IST1: variants seen among roughly 807,000 people sequenced by gnomAD.
IST1 encodes the protein IST1 homolog.
IST1 carries 23 observed loss-of-function variants against 37.0 expected under a neutral mutation model. The observed-to-expected ratio is 0.62, with a 90% CI of 0.45 to 0.88. The LOEUF (loss-of-function observed/expected upper bound fraction) is 0.88. Ranked by LOEUF, IST1 falls within the 40% of genes least tolerant of loss-of-function variation. IST1 has a pLI of 0.00. For missense variants in IST1, 488 were observed against 445.4 expected (o/e 1.10, Z -0.86); for synonymous variants, 180 against 161.7 (o/e 1.11, Z -0.86).
Position 71,923,502 on chromosome 16 carries a change from T to G in IST1, c.852+122T>G. ...TCCTAGTACTGTCATCATTTTTGCT[T>G]TGGGATTCTTGTGTTGCTTTATAAC... is the stretch of plus-strand genomic sequence containing the variant. On this transcript the variant is annotated intron_variant, in intron 8 of 9. Coordinates refer to ENST00000378799, the MANE Select transcript of IST1 (RefSeq NM_001270975.2). 5.3e-6 allele frequency: 3 copies of G among 569,114 alleles called. 1 individual carries two copies. The highest frequency in any genetic ancestry group is 6.5e-5 in the Admixed American group (2 of 30,898). 35.3% of individuals were successfully genotyped at this position (569,114 alleles called of 1,614,324 possible). A position where few individuals can be genotyped will look rare whatever the true frequency, so the allele number is the denominator to read the frequency against.
rs1354594495 is a variant in IST1 at position 71,928,828 on chromosome 16, T to G, written c.*1015T>G. The G allele has an allele frequency of 6.6e-6, 1 of 152,262 alleles. No homozygotes were observed. The highest frequency in any genetic ancestry group is 1.5e-5 in the Non-Finnish European group (1 of 68,058). 9.4% of individuals were successfully genotyped at this position (152,262 alleles called of 1,614,324 possible). ...CTTATGTCATAACTTCTGTTACTCC[T>G]TTGGCCCATAGCTAAGGTCATCCTT... On this transcript the variant is annotated 3_prime_UTR_variant, in exon 10 of 10. Coordinates refer to ENST00000378799, the MANE Select transcript of IST1 (RefSeq NM_001270975.2).
At chr16:71,894,915 G>C, upstream of IST1, 1 of 1,218,776 alleles carries the variant, frequency 8.2e-7, no homozygotes. Context: ...AATCGCCAGA[G>C]ACTGTGGTGC....
chr16:71,905,912 T>C (rs1329253538), intron 1 of IST1, among the ~76,000 whole-genome samples: 2 of 152,206 alleles, frequency 1.3e-5, no homozygotes, highest in Non-Finnish European at 2.9e-5. Context: ...GTAACAGATA[T>C]TCGCCGTTTC....
chr16:71,924,672 G>C (rs936373117), intron 8 of IST1, 97 bp from the exon 9 acceptor site: 1 of 896,758 alleles, frequency 1.1e-6, no homozygotes, highest in East Asian at 2.4e-5. Flanking sequence ...GTTGCATTTG[G>C]TGAGCAACTT....
chr16:71,901,082 A>T (rs1308019898), intron 1 of IST1, among the ~76,000 whole-genome samples: 1 of 152,202 alleles, frequency 6.6e-6, no homozygotes, highest in South Asian at 2.1e-4. Flanking sequence ...GTTGACTAGA[A>T]TATTTTATTA....
At position 71,929,751 on chromosome 16, in the gene IST1, C is replaced by T. The variant is rs1447692858; in HGVS notation, c.*1938C>T. 2.2e-6 allele frequency: 3 copies of T among 1,342,558 alleles called. No homozygotes were observed. Among genetic ancestry groups the T allele is most frequent in the Non-Finnish European group, 3.0e-6 (3 of 994,412 alleles). The allele number at this position is 1,342,558 out of a possible 1,614,324, so 83.2% of individuals were successfully genotyped here. On this transcript the variant is annotated 3_prime_UTR_variant, in exon 10 of 10. Transcript: ENST00000378799. ...GCTAATAGTGGAGTAAAAAAAGTAC[C>T]AAAGATTTTTAAAAAATTAGTAAAT... is the stretch of plus-strand genomic sequence containing the variant.
At chr16:71,903,636 C>T (rs911557254) in intron 1 of IST1, 2 of 152,178 alleles carry the variant, frequency 1.3e-5, no homozygotes, top group Admixed American at 6.5e-5. Context: ...TGGCCTCAAA[C>T]GATCCTTCTA....
At chr16:71,915,785 A>G (rs1364987004) in intron 2 of IST1, 57 bp downstream of exon 2, 5 of 1,072,658 alleles carry the variant, frequency 4.7e-6, no homozygotes, top group African/African-American at 1.6e-5. Flanking sequence ...GCACCCCAGT[A>G]ATGGGTCTTT....
chr16:71,920,680 G>C (rs1018335509), intron 4 of IST1, 59 bp from the exon 5 acceptor site: 5 of 1,242,716 alleles, frequency 4.0e-6, no homozygotes, highest in Non-Finnish European at 5.9e-6. Flanking sequence ...CCAGGAAGAA[G>C]CTTAAAGCAG....
At chr16:71,902,855 T>C (rs866656073) in intron 1 of IST1, among the ~76,000 whole-genome samples, 2 of 152,178 alleles carry the variant, frequency 1.3e-5, no homozygotes, top group South Asian at 4.1e-4. Flanking sequence ...AATCAGCATT[T>C]AGTTTCCTTG....
At chr16:71,903,396 A>C (rs2037152665) in intron 1 of IST1, 1 of 152,258 alleles carries the variant, frequency 6.6e-6, no homozygotes, top group East Asian at 1.9e-4. Context: ...AACCTTTAAA[A>C]AATTTTTTTC....
intron 9 of IST1, among the ~76,000 whole-genome samples, chr16:71,925,150 C>G (rs866423246): frequency 8.1e-5 from 12 of 148,108 alleles, no homozygotes; most frequent in African/African-American, 1.8e-4. Flanking sequence ...GTAGCTGGGA[C>G]TACAGGCGCC....
upstream of IST1, chr16:71,894,927 G>C: frequency 1.8e-6 from 2 of 1,089,420 alleles, no homozygotes; most frequent in Non-Finnish European, 2.7e-6. Flanking sequence ...CTGTGGTGCT[G>C]AGGAAACACT....
chr16:71,927,454 A>C (rs1289025118), intron 9 of IST1, among the ~76,000 whole-genome samples, 160 bp from the exon 10 acceptor site: 1 of 150,436 alleles, frequency 6.6e-6, no homozygotes. Flanking sequence ...CGCCAACTGC[A>C]CTCCAGCCTG....
At chr16:71,925,234 C>G (rs1045434990) in intron 9 of IST1, among the ~76,000 whole-genome samples, 1 of 151,348 alleles carries the variant, frequency 6.6e-6, no homozygotes, top group African/African-American at 2.4e-5. Flanking sequence ...AGGATGGTCT[C>G]GATCTCCTGA....
intron 1 of IST1, chr16:71,903,749 C>T (rs1332039180): frequency 6.6e-6 from 1 of 152,202 alleles, no homozygotes; most frequent in Non-Finnish European, 1.5e-5. Context: ...GTCCTACATT[C>T]ATGAATGTTC....
At chr16:71,894,963 G>C (rs2036932447), upstream of IST1, 1 of 845,868 alleles carries the variant, frequency 1.2e-6, no homozygotes, top group Admixed American at 2.2e-5. Flanking sequence ...ACAGACCGGA[G>C]CGATGCTGGT....
chr16:71,923,332 C>T lies in IST1; in HGVS notation c.804C>T (p.Pro268=). The T allele has an allele frequency of 6.2e-7, 1 of 1,612,678 alleles. No individual in the cohort carries two copies. Among genetic ancestry groups the T allele is most frequent in the Non-Finnish European group, 8.5e-7 (1 of 1,178,942 alleles). ...GLPMGTYQAF[P]NIHPPQIPAT... is the part of the protein sequence containing the mutation. ...CAATGGGGACTTATCAGGCCTTTCC[C>T]AATATTCATCCACCTCAGATACCAG... The change falls in exon 8 of 10, where the codon CCC becomes CCT. Residue 268 remains proline, a synonymous_variant. Transcript: ENST00000378799.
intron 1 of IST1, among the ~76,000 whole-genome samples, chr16:71,912,701 A>G (rs1286911379): frequency 6.6e-6 from 1 of 152,182 alleles, no homozygotes; most frequent in African/African-American, 2.4e-5. Context: ...TGTGCAACAG[A>G]TCTCCATAAA....
Sources: allele counts gnomAD v4.1 joint callset (sites outside exome capture counted in the v4.1 genomes callset), GRCh38; gene constraint gnomAD v4.1.1; transcripts MANE v1.5; gene names NCBI Gene and HGNC (gene_info 2026-07-23, HGNC 2026-07-21).